Variants in HCN1 observed in about 807,000 individuals in gnomAD.
The protein encoded by HCN1 is potassium/sodium hyperpolarization-activated cyclic nucleotide-gated channel 1.
A neutral mutation model predicts 78.9 loss-of-function variants in HCN1; 13 were observed. That is an observed-to-expected ratio of 0.16 (90% CI 0.11 to 0.26). The LOEUF is 0.26. HCN1 is among the 10% of genes least tolerant of loss of function. The pLI, the probability that HCN1 is intolerant of heterozygous loss-of-function variation, is 1.00. For synonymous variants in HCN1, 552 were observed against 455.5 expected, an observed-to-expected ratio of 1.21 and a Z score of -2.70; for missense variants, 810 against 1,154.3, an observed-to-expected ratio of 0.70 and a Z score of 4.32.
chr5:45,492,735 C>T (rs1246047108), intron 2 of HCN1, among the ~76,000 whole-genome samples: 1 of 151,976 alleles, frequency 6.6e-6, no homozygotes, highest in Non-Finnish European at 1.5e-5. Context: ...CTCCCGGCCT[C>T]AGGTGATCCA....
intron 2 of HCN1, among the ~76,000 whole-genome samples, chr5:45,549,098 T>A (rs2111849473): frequency 6.6e-6 from 1 of 151,924 alleles, no homozygotes; most frequent in Non-Finnish European, 1.5e-5. Context: ...TTCAATGCCA[T>A]CCCCATCAAG....
At chr5:45,613,068 T>G (rs954489072) in intron 2 of HCN1, among the ~76,000 whole-genome samples, 2 of 151,866 alleles carry the variant, frequency 1.3e-5, no homozygotes, top group African/African-American at 4.8e-5. Flanking sequence ...GTTAGTTACA[T>G]ATGTATACAT....
intron 3 of HCN1, among the ~76,000 whole-genome samples, chr5:45,417,790 C>G (rs1393102837): frequency 2.1e-5 from 3 of 144,210 alleles, no homozygotes; most frequent in South Asian, 4.4e-4. Context: ...AGGTCACGCT[C>G]AAGGTGTATG....
At chr5:45,678,252 G>C (rs1264915606) in intron 1 of HCN1, among the ~76,000 whole-genome samples, 1 of 151,860 alleles carries the variant, frequency 6.6e-6, no homozygotes, top group East Asian at 1.9e-4. Flanking sequence ...CAGTCTCAGA[G>C]GTACAACGGT....
intron 5 of HCN1, among the ~76,000 whole-genome samples, chr5:45,340,278 A>G (rs1276806298): frequency 6.6e-6 from 1 of 152,146 alleles, no homozygotes; most frequent in Non-Finnish European, 1.5e-5. Flanking sequence ...TCTTCATTAT[A>G]TATTACCTTG....
intron 2 of HCN1, among the ~76,000 whole-genome samples, chr5:45,543,089 G>A (rs909845746): frequency 6.6e-6 from 1 of 152,038 alleles, no homozygotes; most frequent in Non-Finnish European, 1.5e-5. Flanking sequence ...GAAGTAATAT[G>A]CATTTAATTT....
rs114012583 is a variant in HCN1 at position 45,332,975 on chromosome 5, T to A, written c.1377+20125A>T. ...TGGAAGTGCAGATATCTCTCTGATA[T>A]CTCATTTCCTTTCTTTTGGGTATAT... On this transcript the variant is annotated intron_variant, in intron 5 of 7. Transcript: ENST00000303230. 1.8e-3 allele frequency among the ~76,000 whole-genome samples: 273 copies of A among 151,774 alleles called. 1 individual carries two copies. The highest frequency in any genetic ancestry group is 1.4e-3 in the Non-Finnish European group (97 of 67,772).
intron 1 of HCN1, among the ~76,000 whole-genome samples, chr5:45,647,514 T>G (rs764188951): frequency 6.6e-6 from 1 of 152,134 alleles, no homozygotes; most frequent in Non-Finnish European, 1.5e-5. Context: ...TCATCTTCTA[T>G]TCTACGCATT....
chr5:45,651,609 A>G (rs1047800488), intron 1 of HCN1, among the ~76,000 whole-genome samples: 4 of 152,082 alleles, frequency 2.6e-5, no homozygotes, highest in African/African-American at 9.7e-5. Flanking sequence ...AAAATCTAAT[A>G]GCCTGATGAT....
rs572610969 is a variant in HCN1, at chr5:45,257,627, G to C, written c.*4294C>G. The C allele has an allele frequency of 8.5e-5, 13 of 152,300 alleles. No individual in the cohort carries two copies. Among genetic ancestry groups the C allele is most frequent in the African/African-American group, 2.9e-4 (12 of 41,578 alleles). The allele number at this position is 152,300 out of a possible 1,614,324, so 9.4% of individuals were successfully genotyped here. On this transcript the variant is annotated 3_prime_UTR_variant, in exon 8 of 8. Coordinates refer to ENST00000303230, the MANE Select transcript of HCN1 (RefSeq NM_021072.4). ...CAGGGTCAGCATTAGGGTGAGACAA[G>C]AGATGCAGGGTTGTGCAAGTGCAGG...
chr5:45,436,623 A>C (rs1474725276), intron 3 of HCN1, among the ~76,000 whole-genome samples: 1 of 152,200 alleles, frequency 6.6e-6, no homozygotes, highest in Non-Finnish European at 1.5e-5. Context: ...ATATTTTATT[A>C]AATGTTTTCT....
At chr5:45,530,858 G>A (rs1048139694) in intron 2 of HCN1, among the ~76,000 whole-genome samples, 2 of 152,000 alleles carry the variant, frequency 1.3e-5, no homozygotes, top group African/African-American at 4.8e-5. Context: ...CTTTCCCAAG[G>A]TCACACAGCT....
At chr5:45,367,612 A>G (rs1312563980) in intron 4 of HCN1, among the ~76,000 whole-genome samples, 1 of 151,938 alleles carries the variant, frequency 6.6e-6, no homozygotes, top group Non-Finnish European at 1.5e-5. Flanking sequence ...CAACTTGGCT[A>G]GTATGAAACT....
chr5:45,303,843 A>G lies in HCN1; in HGVS notation c.1378-4T>C, dbSNP rs767538006. ...GACAGTTGAAGTTGACTATCTCCTA[A>G]AGATGTCAAGAGTAAACAAATATTA... is the stretch of plus-strand genomic sequence containing the variant. On this transcript the variant is annotated splice_polypyrimidine_tract_variant and splice_region_variant and intron_variant, in intron 5 of 7. Transcript: ENST00000303230. 5.0e-6 allele frequency: 8 copies of G among 1,611,532 alleles called. No individual in the cohort carries two copies. The Admixed American group carries it at 5.0e-5, about 10-fold the overall frequency.
At chr5:45,534,239 A>G (rs985625328) in intron 2 of HCN1, among the ~76,000 whole-genome samples, 1 of 151,214 alleles carries the variant, frequency 6.6e-6, no homozygotes, top group Non-Finnish European at 1.5e-5. Flanking sequence ...TCTACAAAAA[A>G]TACAAAAAGT....
In HCN1 at chr5:45,258,671, T is replaced by C. The variant is rs1196280043; in HGVS notation, c.*3250A>G. On this transcript the variant is annotated 3_prime_UTR_variant, in exon 8 of 8. Transcript: ENST00000303230. Reference sequence around the variant, plus strand: ...GGGCCCAAGGCTATAAATATGAATATATTTATACAAACCTATTTTGTTATA... The same window carrying C: ...GGGCCCAAGGCTATAAATATGAATACATTTATACAAACCTATTTTGTTATA... The C allele has an allele frequency of 2.0e-5, 3 of 151,982 alleles. No individual in the cohort carries two copies. The highest frequency in any genetic ancestry group is 4.4e-5 in the Non-Finnish European group (3 of 67,936). The allele number at this position is 151,982 out of a possible 1,614,324, so 9.4% of individuals were successfully genotyped here.
chr5:45,322,391 T>C (rs573521392), intron 5 of HCN1, among the ~76,000 whole-genome samples: 1 of 151,862 alleles, frequency 6.6e-6, no homozygotes, highest in Non-Finnish European at 1.5e-5. Context: ...CTAATATTTA[T>C]TAAATGCTTT....
chr5:45,373,547 T>G (rs1000753078), intron 4 of HCN1, among the ~76,000 whole-genome samples: 28 of 142,126 alleles, frequency 2.0e-4, no homozygotes, highest in Admixed American at 8.3e-4. Context: ...ATAGGTCATC[T>G]ATAATATATA....
chr5:45,396,201 G>A (rs1363958586), intron 4 of HCN1, among the ~76,000 whole-genome samples: 1 of 152,118 alleles, frequency 6.6e-6, no homozygotes, highest in Non-Finnish European at 1.5e-5. Flanking sequence ...AATGAGCCAT[G>A]ATAACATCTT....
Sources: allele counts gnomAD v4.1 joint callset (sites outside exome capture counted in the v4.1 genomes callset), GRCh38; gene constraint gnomAD v4.1.1; transcripts MANE v1.5; gene names NCBI Gene and HGNC (gene_info 2026-07-23, HGNC 2026-07-21).